Variants in ZNRF2 observed in about 807,000 individuals in gnomAD.
The protein encoded by ZNRF2 is zinc and ring finger 2, also known as E3 ubiquitin-protein ligase ZNRF2.
A neutral mutation model predicts 20.4 loss-of-function variants in ZNRF2; 16 were observed. The ratio of observed to expected loss-of-function variants is 0.79; its 90% CI spans 0.53 to 1.19. The LOEUF (loss-of-function observed/expected upper bound fraction) is 1.19, where lower values mean the gene tolerates loss of function less well. Among genes scored for constraint, ZNRF2 ranks in the 50% most tolerant of loss-of-function variants. ZNRF2 has a pLI of 0.00. For missense variants in ZNRF2, 363 were observed against 332.4 expected (o/e 1.09, Z -0.72); for synonymous variants, 178 against 144.9 (o/e 1.23, Z -1.64).
intron 2 of ZNRF2, among the ~76,000 whole-genome samples, chr7:30,335,837 A>G (rs1476776554): frequency 1.3e-5 from 2 of 152,192 alleles, no homozygotes; most frequent in African/African-American, 4.8e-5. Flanking sequence ...TTTAAAGACT[A>G]GTTCGGAGAT....
At chr7:30,352,984 T>TCA (rs139456835) in intron 2 of ZNRF2, among the ~76,000 whole-genome samples, 128 of 152,184 alleles carry the variant, frequency 8.4e-4, no homozygotes, top group African/African-American at 2.9e-3. Flanking sequence ...AATGAAAGTG[T>TCA]CATTATAGGG....
rs551400861 is a variant in ZNRF2, at chr7:30,348,174, TA to T, written c.566-7534del. Reference sequence around the variant, plus strand: ...AAGAAGTCAATACACTTAAAAATGTTAAAAAAAAAAAAAAAAAAAAGATCTG... The same window carrying T: ...AAGAAGTCAATACACTTAAAAATGTTAAAAAAAAAAAAAAAAAAAGATCTG... On this transcript the variant is annotated intron_variant, in intron 2 of 4. Transcript: ENST00000323037. Among the ~76,000 whole-genome samples the T allele has an allele frequency of 7.7e-3, 879 of 114,896 alleles. 6 individuals carry two copies. The highest frequency in any genetic ancestry group is 0.012 in the Middle Eastern group (3 of 246). 75.4% of individuals were successfully genotyped at this position (114,896 alleles called of 152,430 possible).
At chr7:30,301,673 T>G (rs1477845038) in intron 1 of ZNRF2, among the ~76,000 whole-genome samples, 1 of 127,196 alleles carries the variant, frequency 7.9e-6, no homozygotes, top group Non-Finnish European at 1.6e-5. Context: ...CTTTCCAAAA[T>G]GGACTACAGG....
chr7:30,316,923 C>T (rs1264057785), intron 1 of ZNRF2, among the ~76,000 whole-genome samples: 1 of 152,184 alleles, frequency 6.6e-6, no homozygotes, highest in Non-Finnish European at 1.5e-5. Flanking sequence ...TCAGTTTAGA[C>T]TCCAGGCCTT....
chr7:30,365,767 G>C (rs747478804), intron 4 of ZNRF2, among the ~76,000 whole-genome samples: 9 of 152,104 alleles, frequency 5.9e-5, no homozygotes, highest in Non-Finnish European at 8.8e-5. Context: ...TTAGAAAATT[G>C]CTGTACTTAT....
chr7:30,290,054 A>G (rs1798872932), intron 1 of ZNRF2, among the ~76,000 whole-genome samples: 1 of 152,192 alleles, frequency 6.6e-6, no homozygotes, highest in South Asian at 2.1e-4. Flanking sequence ...ATTATGTATA[A>G]TTGGGTATAT....
intron 1 of ZNRF2, among the ~76,000 whole-genome samples, chr7:30,315,415 C>T (rs137987840): frequency 0.016 from 2,371 of 152,134 alleles, 35 homozygotes; most frequent in Middle Eastern, 0.027. Context: ...GAGTGGACTG[C>T]AGAGTGTAGT....
At chr7:30,291,136 A>G (rs1182910586) in intron 1 of ZNRF2, among the ~76,000 whole-genome samples, 1 of 152,224 alleles carries the variant, frequency 6.6e-6, no homozygotes, top group African/African-American at 2.4e-5. Context: ...ACTAAAGAAA[A>G]ATCCACAAAA....
At chr7:30,328,631 C>T (rs1799589404) in intron 2 of ZNRF2, among the ~76,000 whole-genome samples, 1 of 152,184 alleles carries the variant, frequency 6.6e-6, no homozygotes, top group African/African-American at 2.4e-5. Flanking sequence ...GTTTCAGACT[C>T]TTTGTCACAG....
At chr7:30,302,206 A>G (rs1216279882) in intron 1 of ZNRF2, among the ~76,000 whole-genome samples, 1 of 152,208 alleles carries the variant, frequency 6.6e-6, no homozygotes, top group African/African-American at 2.4e-5. Context: ...TCCTCATTCT[A>G]TATGTGAATA....
intron 3 of ZNRF2, among the ~76,000 whole-genome samples, chr7:30,360,945 A>C (rs1800117312): frequency 6.6e-6 from 1 of 152,218 alleles, no homozygotes; most frequent in South Asian, 2.1e-4. Context: ...GTCTGAGAGA[A>C]GGGAATATAA....
intron 2 of ZNRF2, among the ~76,000 whole-genome samples, chr7:30,327,755 C>G (rs1460600990): frequency 6.6e-6 from 1 of 151,886 alleles, no homozygotes; most frequent in East Asian, 1.9e-4. Flanking sequence ...CAGTGGCTAT[C>G]TATAGGCACA....
intron 4 of ZNRF2, 52 bp downstream of exon 4, chr7:30,362,508 T>A (rs1008875358): frequency 1.8e-6 from 2 of 1,117,096 alleles, no homozygotes; most frequent in Non-Finnish European, 2.6e-6. Context: ...TTATACATTC[T>A]AAACTATAAT....
intron 1 of ZNRF2, among the ~76,000 whole-genome samples, chr7:30,294,341 T>C (rs1798972343): frequency 6.6e-6 from 1 of 152,268 alleles, no homozygotes; most frequent in Admixed American, 6.5e-5. Context: ...GTACACATTT[T>C]TGTTTCTTTT....
At chr7:30,324,591 A>G (rs1799524233) in intron 2 of ZNRF2, among the ~76,000 whole-genome samples, 1 of 151,832 alleles carries the variant, frequency 6.6e-6, no homozygotes, top group Admixed American at 6.6e-5. Context: ...AAACAAAAAA[A>G]CAGATACTTA....
intron 1 of ZNRF2, among the ~76,000 whole-genome samples, chr7:30,287,746 C>G (rs1223409453): frequency 6.6e-6 from 1 of 151,476 alleles, no homozygotes; most frequent in East Asian, 1.9e-4. Flanking sequence ...AGCAGCCTTT[C>G]TCACCCGGCT....
At chr7:30,289,824 G>T (rs768467829) in intron 1 of ZNRF2, 3 of 534,464 alleles carry the variant, frequency 5.6e-6, no homozygotes, top group Non-Finnish European at 1.2e-5. Context: ...CAGTGCCTGA[G>T]GGAGTAAGAG....
At chr7:30,338,211 G>A in intron 2 of ZNRF2, among the ~76,000 whole-genome samples, 1 of 151,832 alleles carries the variant, frequency 6.6e-6, no homozygotes, top group East Asian at 1.9e-4. Context: ...TTATTAATCA[G>A]GGATTATGTA....
At position 30,365,063 on chromosome 7, in the gene ZNRF2, C is replaced by T. The variant is rs191208138; in HGVS notation, c.*23-972C>T. Among the ~76,000 whole-genome samples the T allele has an allele frequency of 2.4e-3, 360 of 151,904 alleles. 2 individuals are homozygous for T. Among genetic ancestry groups the T allele is most frequent in the African/African-American group, 8.2e-3 (338 of 41,390 alleles). ...CCTAATCATGTCCCAAAGGCCCCAC[C>T]TCTTAATACTATAGCACTGCAGATT... On this transcript the variant is annotated intron_variant, in intron 4 of 4. Coordinates refer to ENST00000323037, the MANE Select transcript of ZNRF2 (RefSeq NM_147128.4).
Sources: gnomAD v4.1 joint callset for allele counts (sites outside exome capture counted in the v4.1 genomes callset) on GRCh38, gnomAD v4.1.1 for gene constraint, MANE v1.5 for transcripts, NCBI Gene and HGNC (gene_info 2026-07-23, HGNC 2026-07-21) for gene names.